The following PALS2 variants were observed in gnomAD, a reference collection of about 807,000 sequenced individuals.
PALS2 encodes protein associated with LIN7 2, MAGUK p55 family member.
Under a neutral mutation model 61.6 loss-of-function variants are expected in PALS2, and 27 were observed. The observed-to-expected ratio is 0.44, with a 90% CI of 0.32 to 0.60. PALS2 has a LOEUF of 0.60. Among genes scored for constraint, PALS2 ranks in the 20% least tolerant of loss-of-function variants. PALS2 has a pLI of 0.05. For missense variants in PALS2, 554 were observed against 639.4 expected (o/e 0.87, Z 1.44); for synonymous variants, 236 against 218.6 (o/e 1.08, Z -0.70).
At chr7:24,668,723 A>C in intron 9 of PALS2, 63 bp downstream of exon 9, 2 of 1,542,336 alleles carry the variant, frequency 1.3e-6, no homozygotes, top group Non-Finnish European at 1.8e-6. Context: ...ATATGGAGGA[A>C]AGGGGGATTA....
chr7:24,685,414 C>T (rs1277072085), intron 11 of PALS2, among the ~76,000 whole-genome samples: 1 of 152,174 alleles, frequency 6.6e-6, no homozygotes, highest in East Asian at 1.9e-4. Flanking sequence ...TTTGTTTCCT[C>T]CCACCCACAT....
chr7:24,594,484 T>G (rs1273421287), intron 1 of PALS2, among the ~76,000 whole-genome samples: 1 of 152,126 alleles, frequency 6.6e-6, no homozygotes, highest in African/African-American at 2.4e-5. Flanking sequence ...ATTTCTAGCT[T>G]TTGATTTAAA....
intron 1 of PALS2, among the ~76,000 whole-genome samples, chr7:24,605,075 T>C (rs1451825167): frequency 6.6e-6 from 1 of 152,194 alleles, no homozygotes; most frequent in Non-Finnish European, 1.5e-5. Context: ...CTGTCCAGTT[T>C]TATATTTGCT....
In PALS2 at chr7:24,640,768, G is replaced by T. The variant is rs1050514430; in HGVS notation, c.118-948G>T. On this transcript the variant is annotated intron_variant, in intron 2 of 11. Coordinates refer to ENST00000222644, the MANE Select transcript of PALS2 (RefSeq NM_001303037.2). ...TCATGCCTGTAATCCCAGCACTTTG[G>T]GAGGCCGAGGCGGGTGGATCACGAG... 3.9e-5 allele frequency among the ~76,000 whole-genome samples: 6 copies of T among 152,060 alleles called. No homozygotes were observed. The East Asian group carries it at 7.7e-4, about 20-fold the overall frequency.
intron 3 of PALS2, among the ~76,000 whole-genome samples, chr7:24,644,300 T>C (rs1015226769): frequency 2.0e-5 from 3 of 151,994 alleles, no homozygotes; most frequent in African/African-American, 4.8e-5. Context: ...GTTTTTCCCT[T>C]CTTGTTGTTC....
intron 9 of PALS2, among the ~76,000 whole-genome samples, chr7:24,674,088 A>G (rs112320789): frequency 1.3e-5 from 2 of 152,134 alleles, no homozygotes; most frequent in African/African-American, 4.8e-5. Context: ...ATATGCAACT[A>G]TGCAACACAG....
At chr7:24,683,270 A>T (rs559845399) in intron 11 of PALS2, among the ~76,000 whole-genome samples, 3 of 152,224 alleles carry the variant, frequency 2.0e-5, no homozygotes, top group Non-Finnish European at 1.5e-5. Context: ...GGTACGATTG[A>T]TACAGGAAAG....
At chr7:24,630,861 C>T (rs1784969347) in intron 2 of PALS2, among the ~76,000 whole-genome samples, 1 of 152,200 alleles carries the variant, frequency 6.6e-6, no homozygotes, top group Non-Finnish European at 1.5e-5. Context: ...TTTAATCCCA[C>T]TGTTGGGATT....
At chr7:24,604,867 G>C (rs557266226) in intron 1 of PALS2, among the ~76,000 whole-genome samples, 1 of 152,284 alleles carries the variant, frequency 6.6e-6, no homozygotes, top group East Asian at 1.9e-4. Context: ...CTAGGCCATA[G>C]CACTGATCAA....
At chr7:24,611,965 C>A (rs572434436) in intron 1 of PALS2, among the ~76,000 whole-genome samples, 1 of 151,994 alleles carries the variant, frequency 6.6e-6, no homozygotes, top group African/African-American at 2.4e-5. Context: ...GGCAAGGACT[C>A]ATTAGGGGGT....
intron 9 of PALS2, among the ~76,000 whole-genome samples, chr7:24,676,971 T>G (rs2128029362): frequency 1.3e-5 from 2 of 151,310 alleles, no homozygotes; most frequent in African/African-American, 4.9e-5. Context: ...TTGGGCAGTA[T>G]GGCCATTTTC....
intron 1 of PALS2, among the ~76,000 whole-genome samples, chr7:24,593,575 G>C (rs1161457092): frequency 1.3e-4 from 19 of 151,996 alleles, no homozygotes; most frequent in Admixed American, 1.2e-3. Flanking sequence ...TTAATCCATG[G>C]GCTGCAAAAC....
chr7:24,641,720 A>G lies in PALS2; in HGVS notation c.122A>G (p.His41Arg). ...NPIVKSLAKAHERLEDSKLEA... is the reference protein window; with the variant it reads ...NPIVKSLAKARERLEDSKLEA... ...AATATACTCTTATTTTTTCAGGCTC[A>G]TGAGAGGCTAGAAGATTCCAAACTA... Residue 41 changes from histidine (H) to arginine (R), a missense_variant, in exon 3 of 12, where the codon CAT becomes CGT. Physicochemically the swap from His to Arg is conservative, Grantham distance 29. Transcript: ENST00000222644. The G allele has an allele frequency of 6.2e-7, 1 of 1,602,888 alleles. No homozygotes were observed. The highest frequency in any genetic ancestry group is 8.5e-7 in the Non-Finnish European group (1 of 1,175,572).
rs1358439968 is a variant in PALS2 at position 24,596,407 on chromosome 7, A to G, written c.-3+22814A>G. 6.6e-6 allele frequency among the ~76,000 whole-genome samples: 1 copy of G among 152,172 alleles called. No homozygotes were observed. Among genetic ancestry groups the G allele is most frequent in the Non-Finnish European group, 1.5e-5 (1 of 68,028 alleles). ...AGTATATATATAAAGTATTATTTTG[A>G]AAACAGACCCTATCAATGAAATTTA... On this transcript the variant is annotated intron_variant, in intron 1 of 11. Coordinates refer to ENST00000222644, the MANE Select transcript of PALS2 (RefSeq NM_001303037.2). The surrounding 1 kb of genome is among the most constrained non-coding windows in gnomAD (Gnocchi z 4.5).
intron 5 of PALS2, among the ~76,000 whole-genome samples, chr7:24,663,178 A>G (rs1786828965): frequency 6.6e-6 from 1 of 152,216 alleles, no homozygotes; most frequent in Non-Finnish European, 1.5e-5. Context: ...GGGCCTTTTC[A>G]CAGAGTTCTA....
In PALS2 at chr7:24,589,955, C is replaced by T. The variant is rs78966346; in HGVS notation, c.-3+16362C>T. Among the ~76,000 whole-genome samples, 174 of 152,076 alleles carry T rather than the reference C, an allele frequency of 1.1e-3. 1 individual carries two copies. The highest frequency in any genetic ancestry group is 4.1e-3 in the African/African-American group (171 of 41,496). On this transcript the variant is annotated intron_variant, in intron 1 of 11. Transcript: ENST00000222644. The stretch of plus-strand genomic sequence containing the variant: ...TGAACACTACTCAGTGTTTAGTGTC[C>T]CTTAATATTTGGTTTTCTACCACAG...
intron 9 of PALS2, among the ~76,000 whole-genome samples, chr7:24,678,312 A>C (rs1000332623): frequency 2.0e-5 from 3 of 152,168 alleles, no homozygotes; most frequent in African/African-American, 7.2e-5. Context: ...CTACTTCTAA[A>C]TTTTGACTTG....
chr7:24,669,791 A>G (rs1053132691), intron 9 of PALS2, among the ~76,000 whole-genome samples: 8 of 152,144 alleles, frequency 5.3e-5, no homozygotes, highest in African/African-American at 1.9e-4. Flanking sequence ...AAATCTTCTG[A>G]TTCTACTGCA....
intron 3 of PALS2, among the ~76,000 whole-genome samples, chr7:24,645,796 G>A (rs1438879027): frequency 6.6e-6 from 1 of 152,062 alleles, no homozygotes; most frequent in Non-Finnish European, 1.5e-5. Context: ...ATTTCTTTGA[G>A]CAGTGTTTTG....
Sources: gnomAD v4.1 joint callset for allele counts (sites outside exome capture counted in the v4.1 genomes callset) on GRCh38, gnomAD v4.1.1 for gene constraint, Gnocchi (gnomAD v3.1) non-coding constraint, MANE v1.5 for transcripts, NCBI Gene and HGNC (gene_info 2026-07-23, HGNC 2026-07-21) for gene names.